Variants in BLTP3A observed in about 807,000 individuals in gnomAD.
BLTP3A encodes the protein bridge-like lipid transfer protein family member 3A.
the BLTP3A span, among the ~76,000 whole-genome samples, chr6:34,801,125 A>G: frequency 6.6e-6 from 1 of 152,210 alleles, no homozygotes; most frequent in Non-Finnish European, 1.5e-5. Context: ...CTTGGTCTTT[A>G]GAGTGCATTG....
the BLTP3A span, among the ~76,000 whole-genome samples, chr6:34,801,701 TTTTATTTATTTA>T: frequency 0.44 from 65,812 of 150,810 alleles, 16,119 homozygotes; most frequent in African/African-American, 0.67. Context: ...CACAGCTTTA[TTTTATTTATTTA>T]TTTATTTATT....
chr6:34,857,926 A>C, the BLTP3A span: 6 of 1,609,260 alleles, frequency 3.7e-6, no homozygotes, highest in Non-Finnish European at 5.1e-6. Flanking sequence ...AGGTGAGGGG[A>C]GAGTGTGACT....
the BLTP3A span, among the ~76,000 whole-genome samples, chr6:34,854,626 G>C: frequency 6.6e-6 from 1 of 152,126 alleles, no homozygotes; most frequent in East Asian, 1.9e-4. Flanking sequence ...AAGCCTACTT[G>C]GGGGGTGATT....
At chr6:34,859,638 G>C in the BLTP3A span, 1 of 1,577,490 alleles carries the variant, frequency 6.3e-7, no homozygotes. Flanking sequence ...TTGGGTTTAA[G>C]GCCTCTTACT....
the BLTP3A span, chr6:34,872,330 C>G: frequency 6.2e-7 from 1 of 1,609,520 alleles, no homozygotes; most frequent in Non-Finnish European, 8.5e-7. Flanking sequence ...AACTGCCTAT[C>G]CTACAAAAAG....
the BLTP3A span, chr6:34,834,687 C>T: frequency 6.3e-7 from 1 of 1,598,462 alleles, no homozygotes; most frequent in Non-Finnish European, 8.5e-7. Flanking sequence ...ATTTCATTCA[C>T]AGGATTAAGG....
At chr6:34,802,522 A>G in the BLTP3A span, among the ~76,000 whole-genome samples, 12 of 151,920 alleles carry the variant, frequency 7.9e-5, no homozygotes, top group Admixed American at 3.3e-4. Context: ...GGCACCCACC[A>G]CCATGCTCAG....
At chr6:34,849,336 A>T in the BLTP3A span, among the ~76,000 whole-genome samples, 12 of 150,324 alleles carry the variant, frequency 8.0e-5, no homozygotes, top group Non-Finnish European at 1.2e-4. Context: ...TTTTTTTTTT[A>T]TTTGAAATTA....
the BLTP3A span, among the ~76,000 whole-genome samples, chr6:34,837,431 C>T: frequency 6.6e-6 from 1 of 152,052 alleles, no homozygotes; most frequent in African/African-American, 2.4e-5. Context: ...CGCCTATAGT[C>T]CTATCACTTT....
the BLTP3A span, among the ~76,000 whole-genome samples, chr6:34,846,711 A>G: frequency 6.6e-6 from 1 of 152,144 alleles, no homozygotes; most frequent in Non-Finnish European, 1.5e-5. Context: ...TCATCTGCAA[A>G]CAAGGATAAT....
the BLTP3A span, chr6:34,867,726 G>C: frequency 7.3e-7 from 1 of 1,372,480 alleles, no homozygotes; most frequent in East Asian, 2.5e-5. Context: ...CTAGTGCCAA[G>C]TTCTCTCCAG....
At chr6:34,810,858 T>G in the BLTP3A span, among the ~76,000 whole-genome samples, 275 of 152,372 alleles carry the variant, frequency 1.8e-3, no homozygotes, top group Non-Finnish European at 2.0e-3. Flanking sequence ...ATTTTTGCAC[T>G]TAAGTTTCGA....
the BLTP3A span, among the ~76,000 whole-genome samples, chr6:34,806,556 C>T: frequency 2.6e-5 from 4 of 152,180 alleles, no homozygotes; most frequent in Non-Finnish European, 5.9e-5. Context: ...CTAACGACAG[C>T]CTTACTGTAT....
the BLTP3A span, among the ~76,000 whole-genome samples, chr6:34,852,771 A>G: frequency 2.6e-5 from 3 of 116,174 alleles, no homozygotes; most frequent in Non-Finnish European, 5.0e-5. Context: ...TGGCTTTTCA[A>G]ATTTCTTAAA....
chr6:34,824,558 C>CAAA, the BLTP3A span, among the ~76,000 whole-genome samples: 3 of 107,170 alleles, frequency 2.8e-5, no homozygotes, highest in Non-Finnish European at 5.9e-5. Flanking sequence ...AACTCCATCT[C>CAAA]AAAAAAAAAA....
the BLTP3A span, among the ~76,000 whole-genome samples, chr6:34,843,285 A>G: frequency 6.6e-6 from 1 of 151,906 alleles, no homozygotes; most frequent in Non-Finnish European, 1.5e-5. Context: ...TGCCTGGCCT[A>G]TGTTACTTTT....
chr6:34,801,000 A>T, the BLTP3A span, among the ~76,000 whole-genome samples: 1 of 152,172 alleles, frequency 6.6e-6, no homozygotes, highest in Non-Finnish European at 1.5e-5. Context: ...AAGTGTTGGG[A>T]TTACAGGCGT....
chr6:34,796,837 T>C, the BLTP3A span, among the ~76,000 whole-genome samples: 3 of 152,198 alleles, frequency 2.0e-5, no homozygotes, highest in African/African-American at 7.2e-5. Flanking sequence ...CCCGAGTAGC[T>C]GGGACTGCAG....
At chr6:34,820,502 A>G in the BLTP3A span, among the ~76,000 whole-genome samples, 1 of 152,006 alleles carries the variant, frequency 6.6e-6, no homozygotes, top group Non-Finnish European at 1.5e-5. Flanking sequence ...CTCAGTTGTC[A>G]GATGCCCTTT....
Sources: gnomAD v4.1 joint callset for allele counts (sites outside exome capture counted in the v4.1 genomes callset) on GRCh38, gnomAD v4.1.1 for gene constraint, MANE v1.5 for transcripts, NCBI Gene and HGNC (gene_info 2026-07-23, HGNC 2026-07-21) for gene names.